The following ADIPOR2 variants were observed in gnomAD, a reference collection of about 807,000 sequenced individuals.
ADIPOR2 encodes adiponectin receptor 2.
ADIPOR2 carries 18 observed loss-of-function variants against 40.9 expected under a neutral mutation model. That is an observed-to-expected ratio of 0.44 (90% CI 0.30 to 0.65). The LOEUF (loss-of-function observed/expected upper bound fraction) is 0.65, where lower values mean the gene tolerates loss of function less well. Among genes scored for constraint, ADIPOR2 ranks in the 30% least tolerant of loss-of-function variants. ADIPOR2 has a pLI of 0.09. For synonymous variants in ADIPOR2, 165 were observed against 166.4 expected (o/e 0.99, Z 0.06); for missense variants, 283 against 479.2 (o/e 0.59, Z 3.82).
intron 1 of ADIPOR2, among the ~76,000 whole-genome samples, chr12:1,728,022 C>G (rs772892968): frequency 1.5e-4 from 23 of 152,194 alleles, no homozygotes; most frequent in Non-Finnish European, 2.6e-4. Context: ...ATGCATTGAT[C>G]AAATTTGTGT....
chr12:1,769,609 C>T (rs1023396502), intron 2 of ADIPOR2, among the ~76,000 whole-genome samples: 3 of 152,100 alleles, frequency 2.0e-5, no homozygotes, highest in South Asian at 2.1e-4. Flanking sequence ...GGCACGATCT[C>T]GGCTCACTGC....
chr12:1,772,275 T>A (rs533500639), intron 2 of ADIPOR2, among the ~76,000 whole-genome samples: 2 of 152,370 alleles, frequency 1.3e-5, no homozygotes, highest in South Asian at 4.1e-4. Context: ...TTACTTAACT[T>A]CTTTGCCTAA....
intron 1 of ADIPOR2, among the ~76,000 whole-genome samples, chr12:1,715,407 C>G (rs541881298): frequency 6.6e-6 from 1 of 152,002 alleles, no homozygotes; most frequent in Non-Finnish European, 1.5e-5. Flanking sequence ...CAAATTGGTC[C>G]CAGTGGCTTA....
At chr12:1,754,211 C>T (rs898324416) in intron 1 of ADIPOR2, 47 bp from the exon 2 acceptor site, 2 of 761,946 alleles carry the variant, frequency 2.6e-6, no homozygotes, top group African/African-American at 3.6e-5. Context: ...CTGATATTTT[C>T]CCCAGCACTC....
At chr12:1,773,356 G>A (rs1862525284) in intron 3 of ADIPOR2, among the ~76,000 whole-genome samples, 1 of 152,136 alleles carries the variant, frequency 6.6e-6, no homozygotes, top group South Asian at 2.1e-4. Flanking sequence ...CAAATGTACT[G>A]TTCTTTCTAG....
At chr12:1,714,538 C>A (rs2094683887) in intron 1 of ADIPOR2, among the ~76,000 whole-genome samples, 1 of 152,022 alleles carries the variant, frequency 6.6e-6, no homozygotes, top group Admixed American at 6.6e-5. Flanking sequence ...TCTTCCTTTC[C>A]CTGAGTTATG....
At chr12:1,743,603 A>C (rs939275763) in intron 1 of ADIPOR2, among the ~76,000 whole-genome samples, 3 of 151,956 alleles carry the variant, frequency 2.0e-5, no homozygotes, top group African/African-American at 7.3e-5. Flanking sequence ...TGGGCACAGA[A>C]ATTCAAGGTT....
chr12:1,717,887 G>A (rs943367921), intron 1 of ADIPOR2, among the ~76,000 whole-genome samples: 5 of 151,890 alleles, frequency 3.3e-5, no homozygotes, highest in African/African-American at 9.7e-5. Flanking sequence ...ACTTTTCCTG[G>A]TACAGAATAA....
chr12:1,739,280 T>C (rs1253830650), intron 1 of ADIPOR2, among the ~76,000 whole-genome samples: 1 of 152,196 alleles, frequency 6.6e-6, no homozygotes, highest in East Asian at 1.9e-4. Context: ...TCAAGGTCAT[T>C]ATAGTAGTAG....
intron 1 of ADIPOR2, among the ~76,000 whole-genome samples, chr12:1,716,799 C>A (rs2094688516): frequency 6.6e-6 from 1 of 152,136 alleles, no homozygotes; most frequent in South Asian, 2.1e-4. Context: ...CAGCCCTTTT[C>A]ATGTTATAAT....
intron 1 of ADIPOR2, among the ~76,000 whole-genome samples, chr12:1,707,389 A>G (rs975106659): frequency 2.9e-5 from 4 of 137,654 alleles, no homozygotes; most frequent in Admixed American, 7.9e-5. Flanking sequence ...CATTTACATT[A>G]TATGCTGTGT....
At chr12:1,749,571 A>G (rs1021980535) in intron 1 of ADIPOR2, among the ~76,000 whole-genome samples, 3 of 152,158 alleles carry the variant, frequency 2.0e-5, no homozygotes, top group Non-Finnish European at 4.4e-5. Flanking sequence ...CTGTTACTCT[A>G]TGTGTGTATT....
chr12:1,771,444 G>C (rs2154444139), intron 2 of ADIPOR2, among the ~76,000 whole-genome samples: 1 of 152,014 alleles, frequency 6.6e-6, no homozygotes, highest in Non-Finnish European at 1.5e-5. Flanking sequence ...GAAAGGTTGA[G>C]GAACACGAGT....
chr12:1,693,150 C>T (rs10848553), intron 1 of ADIPOR2, among the ~76,000 whole-genome samples: 40,780 of 151,748 alleles, frequency 0.27, 6,080 homozygotes, highest in Admixed American at 0.44. Flanking sequence ...AGCGAAACTC[C>T]GTCTTAAAAA....
chr12:1,752,728 A>G (rs1035440339), intron 1 of ADIPOR2, among the ~76,000 whole-genome samples: 4 of 152,184 alleles, frequency 2.6e-5, no homozygotes, highest in Non-Finnish European at 2.9e-5. Flanking sequence ...ACCACATGTA[A>G]ATTATCTGGT....
intron 1 of ADIPOR2, among the ~76,000 whole-genome samples, chr12:1,721,451 A>G (rs190942026): frequency 5.7e-4 from 87 of 151,884 alleles, no homozygotes; most frequent in Non-Finnish European, 4.4e-4. Flanking sequence ...CCTGACCTCA[A>G]CTGATCCGCT....
chr12:1,700,139 A>G (rs1456701608), intron 1 of ADIPOR2, among the ~76,000 whole-genome samples: 2 of 152,248 alleles, frequency 1.3e-5, no homozygotes, highest in Non-Finnish European at 2.9e-5. Context: ...TCTTATTTCC[A>G]CAATGTCTGT....
intron 1 of ADIPOR2, among the ~76,000 whole-genome samples, chr12:1,734,199 A>G (rs1359173617): frequency 6.6e-6 from 1 of 152,166 alleles, no homozygotes; most frequent in Non-Finnish European, 1.5e-5. Context: ...GACTTCCACA[A>G]TGGTTGAACT....
At chr12:1,773,636 G>T (rs1373588732) in intron 3 of ADIPOR2, among the ~76,000 whole-genome samples, 1 of 151,606 alleles carries the variant, frequency 6.6e-6, no homozygotes, top group Non-Finnish European at 1.5e-5. Context: ...GGCCCTGGCA[G>T]GTAGAATCTA....
Sources: gnomAD v4.1 joint callset for allele counts (sites outside exome capture counted in the v4.1 genomes callset) on GRCh38, gnomAD v4.1.1 for gene constraint, MANE v1.5 for transcripts, NCBI Gene and HGNC (gene_info 2026-07-23, HGNC 2026-07-21) for gene names.